Variants in GALNTL6 observed in about 807,000 individuals in gnomAD.
The protein encoded by GALNTL6 is polypeptide N-acetylgalactosaminyltransferase like 6.
In GALNTL6, 46 loss-of-function variants were observed where a neutral mutation model predicts 73.7. The observed-to-expected ratio is 0.62, with a 90% confidence interval of 0.49 to 0.80. The LOEUF (loss-of-function observed/expected upper bound fraction) is 0.80. GALNTL6 is among the 30% of genes least tolerant of loss of function. The pLI, the probability that GALNTL6 is intolerant of heterozygous loss-of-function variation, is 0.00. For synonymous variants in GALNTL6, 259 were observed against 263.7 expected (o/e 0.98, Z 0.17); for missense variants, 604 against 755.0 (o/e 0.80, Z 2.34).
chr4:171,828,658 C>T (rs1449168635), intron 2 of GALNTL6, among the ~76,000 whole-genome samples: 1 of 152,128 alleles, frequency 6.6e-6, no homozygotes, highest in Non-Finnish European at 1.5e-5. Flanking sequence ...CTCCCTCCAT[C>T]GCCCAGGCTG....
intron 5 of GALNTL6, among the ~76,000 whole-genome samples, chr4:172,477,451 GTATATTTC>G (rs1733279678): frequency 6.6e-6 from 1 of 152,108 alleles, no homozygotes; most frequent in Admixed American, 6.5e-5. Context: ...CACAGATAAT[GTATATTTC>G]TGTTCAGTAC....
At chr4:172,930,072 T>C (rs1357636810) in intron 8 of GALNTL6, among the ~76,000 whole-genome samples, 3 of 150,986 alleles carry the variant, frequency 2.0e-5, no homozygotes, top group Non-Finnish European at 4.4e-5. Context: ...AGGTCAGGAG[T>C]TCAAGACCAG....
At chr4:172,500,855 C>T (rs338016) in intron 5 of GALNTL6, among the ~76,000 whole-genome samples, 150,938 of 152,330 alleles carry the variant, frequency 0.99, 74,801 homozygotes, top group Middle Eastern at 1. Context: ...TCATCTGATG[C>T]GGTGCTCAAT....
At chr4:171,970,433 A>G (rs1018766462) in intron 2 of GALNTL6, among the ~76,000 whole-genome samples, 10 of 152,342 alleles carry the variant, frequency 6.6e-5, no homozygotes, top group Admixed American at 1.3e-4. Context: ...CTTGGAATAT[A>G]TTTAAATGTT....
At chr4:172,355,181 T>A (rs1256039605) in intron 5 of GALNTL6, among the ~76,000 whole-genome samples, 1 of 152,098 alleles carries the variant, frequency 6.6e-6, no homozygotes, top group Non-Finnish European at 1.5e-5. Context: ...AGATAATATC[T>A]TCTGTCTTCT....
At chr4:172,206,026 A>G (rs1415677662) in intron 2 of GALNTL6, among the ~76,000 whole-genome samples, 3 of 152,130 alleles carry the variant, frequency 2.0e-5, no homozygotes, top group Non-Finnish European at 2.9e-5. Context: ...GAATATGTAC[A>G]TATGCCATGT....
rs1445820048 is a variant in GALNTL6, at chr4:171,867,988, G to GC, written c.138+53271dup. Among the ~76,000 whole-genome samples, 274 of 108,764 alleles carry GC rather than the reference G, an allele frequency of 2.5e-3. 1 individual carries two copies. The highest frequency in any genetic ancestry group is 7.7e-3 in the African/African-American group (256 of 33,244). The allele number at this position is 108,764 out of a possible 152,430, so 71.4% of individuals were successfully genotyped here. On this transcript the variant is annotated intron_variant, in intron 2 of 12. Coordinates refer to ENST00000506823, the MANE Select transcript of GALNTL6 (RefSeq NM_001034845.3). ...ATCTAGAAATCTTTAATTTTGAGGT[G>GC]CTTTTTTTTTTTTTTTGAGACACAG... is the stretch of plus-strand genomic sequence containing the variant.
chr4:172,432,845 A>C (rs1262254938), intron 5 of GALNTL6, among the ~76,000 whole-genome samples: 1 of 152,170 alleles, frequency 6.6e-6, no homozygotes, highest in Non-Finnish European at 1.5e-5. Flanking sequence ...TCAACAGATT[A>C]TCTCTCAAAC....
At chr4:173,033,708 T>C (rs1296949287) in intron 12 of GALNTL6, among the ~76,000 whole-genome samples, 2 of 152,240 alleles carry the variant, frequency 1.3e-5, no homozygotes, top group African/African-American at 4.8e-5. Context: ...TTGTCAGAGA[T>C]AAAACTAGGA....
intron 2 of GALNTL6, among the ~76,000 whole-genome samples, chr4:171,919,362 A>G (rs1737716401): frequency 1.3e-5 from 2 of 152,100 alleles, no homozygotes; most frequent in Non-Finnish European, 2.9e-5. Context: ...TTGACTCTCT[A>G]TGATTTTCTG....
At chr4:172,082,514 A>G (rs1731908003) in intron 2 of GALNTL6, among the ~76,000 whole-genome samples, 2 of 152,194 alleles carry the variant, frequency 1.3e-5, no homozygotes, top group Admixed American at 1.3e-4. Context: ...AGGGGCTAAG[A>G]TTTGAGCTTA....
chr4:172,658,149 C>CAAAAAAAA (rs58279803), intron 5 of GALNTL6, among the ~76,000 whole-genome samples: 2,002 of 4,998 alleles, frequency 0.4, 721 homozygotes, highest in Middle Eastern at 0.75. Context: ...GACTCCGTCT[C>CAAAAAAAA]AAAAAAAAAA....
intron 7 of GALNTL6, among the ~76,000 whole-genome samples, chr4:172,839,219 G>T (rs1176993020): frequency 6.6e-6 from 1 of 152,222 alleles, no homozygotes; most frequent in Non-Finnish European, 1.5e-5. Context: ...GAATGTAGCA[G>T]TTACCGAAGG....
chr4:172,238,200 A>G (rs879617866), intron 3 of GALNTL6, among the ~76,000 whole-genome samples: 2 of 152,174 alleles, frequency 1.3e-5, no homozygotes, highest in Admixed American at 6.5e-5. Context: ...GCAGTATGGC[A>G]TTTTAACAAT....
At chr4:172,180,074 T>TTG (rs1735187315) in intron 2 of GALNTL6, among the ~76,000 whole-genome samples, 1 of 152,206 alleles carries the variant, frequency 6.6e-6, no homozygotes, top group Admixed American at 6.5e-5. Flanking sequence ...AGTGTAAAAG[T>TTG]GTTCCTGTTT....
intron 2 of GALNTL6, among the ~76,000 whole-genome samples, chr4:171,951,769 G>A (rs1485872): frequency 0.52 from 79,264 of 151,776 alleles, 21,553 homozygotes; most frequent in East Asian, 0.66. Flanking sequence ...GAATTACTAC[G>A]GAATCAAGAA....
At position 172,315,966 on chromosome 4, in the gene GALNTL6, A is replaced by G. The variant is rs185518523; in HGVS notation, c.386+4214A>G. Among the ~76,000 whole-genome samples, 384 of 152,304 alleles carry G rather than the reference A, an allele frequency of 2.5e-3. 2 individuals are homozygous for G. The highest frequency in any genetic ancestry group is 8.7e-3 in the African/African-American group (363 of 41,564). On this transcript the variant is annotated intron_variant, in intron 4 of 12. Transcript: ENST00000506823. ...TGAAATATACATATAAAATAGGGAA[A>G]TAGAAAACTATGTAAAAATGGCCTA...
At chr4:172,240,688 A>G (rs572269248) in intron 3 of GALNTL6, among the ~76,000 whole-genome samples, 23 of 152,176 alleles carry the variant, frequency 1.5e-4, no homozygotes, top group Non-Finnish European at 3.1e-4. Flanking sequence ...TTTCAGCTCT[A>G]TCAGATCAGT....
At chr4:172,443,599 G>C (rs1731918192) in intron 5 of GALNTL6, among the ~76,000 whole-genome samples, 1 of 152,004 alleles carries the variant, frequency 6.6e-6, no homozygotes, top group Non-Finnish European at 1.5e-5. Context: ...CTTTTTATAT[G>C]TGAGAGATAT....
Sources: allele counts gnomAD v4.1 joint callset (sites outside exome capture counted in the v4.1 genomes callset), GRCh38; gene constraint gnomAD v4.1.1; transcripts MANE v1.5; gene names NCBI Gene and HGNC (gene_info 2026-07-23, HGNC 2026-07-21).